The following RELCH variants were observed in gnomAD, a reference collection of about 807,000 sequenced individuals.
RELCH encodes RAB11-binding protein RELCH.
A neutral mutation model predicts 150.3 loss-of-function variants in RELCH; 41 were observed. The ratio of observed to expected loss-of-function variants is 0.27; its 90% CI spans 0.21 to 0.35. The LOEUF (loss-of-function observed/expected upper bound fraction) is 0.35, where lower values mean the gene tolerates loss of function less well. Among genes scored for constraint, RELCH ranks in the 10% least tolerant of loss-of-function variants. The pLI is 1.00. For missense variants in RELCH, 1,092 were observed against 1,467.8 expected, an observed-to-expected ratio of 0.74 and a Z score of 4.18; for synonymous variants, 478 against 531.8, an observed-to-expected ratio of 0.90 and a Z score of 1.39.
At chr18:62,255,320 AC>A in intron 12 of RELCH, 86 bp from the exon 13 acceptor site, 1 of 921,842 alleles carries the variant, frequency 1.1e-6, no homozygotes, top group Non-Finnish European at 1.8e-6. Flanking sequence ...TGCATTCTTA[AC>A]AGGATTTGTG....
chr18:62,193,514 T>A (rs1181589814), intron 1 of RELCH, among the ~76,000 whole-genome samples: 1 of 152,280 alleles, frequency 6.6e-6, no homozygotes, highest in South Asian at 2.1e-4. Flanking sequence ...CATATATGGC[T>A]CTTATTATTT....
chr18:62,235,230 C>T (rs1403562510), intron 10 of RELCH: 2 of 151,954 alleles, frequency 1.3e-5, no homozygotes, highest in African/African-American at 2.4e-5. Flanking sequence ...AAAAAAATTC[C>T]TCTTTTGAAT....
At chr18:62,303,784 T>C (rs1291432935) in intron 28 of RELCH, among the ~76,000 whole-genome samples, 1 of 152,254 alleles carries the variant, frequency 6.6e-6, no homozygotes, top group Non-Finnish European at 1.5e-5. Context: ...AATAGATTGC[T>C]ACATTTCCTG....
intron 26 of RELCH, among the ~76,000 whole-genome samples, chr18:62,289,832 G>A (rs767905581): frequency 1.3e-5 from 2 of 152,182 alleles, no homozygotes; most frequent in African/African-American, 4.8e-5. Flanking sequence ...CCCCAACAGA[G>A]AGTAGAAAGA....
At position 62,255,610 on chromosome 18, in the gene RELCH, A is replaced by G. The variant is rs1006852574; in HGVS notation, c.1896+132A>G. 8 of 683,378 alleles carry G rather than the reference A, an allele frequency of 1.2e-5. 1 individual carries two copies. The highest frequency in any genetic ancestry group is 3.7e-4 in the Middle Eastern group (1 of 2,674). The allele number at this position is 683,378 out of a possible 1,614,324, so 42.3% of individuals were successfully genotyped here. A position where few individuals can be genotyped will look rare whatever the true frequency, so the allele number is the denominator to read the frequency against. On this transcript the variant is annotated intron_variant, in intron 13 of 28. Transcript: ENST00000644646. ...CTTAATAAAGAAAAGAGATGATCCA[A>G]AAAAGAGACTCACATTAGTACAGTA...
At chr18:62,224,786 T>C (rs1408356478) in intron 5 of RELCH, among the ~76,000 whole-genome samples, 9 of 152,130 alleles carry the variant, frequency 5.9e-5, no homozygotes, top group Admixed American at 5.2e-4. Context: ...GAAGACCCAA[T>C]ATTGTCAAGG....
At position 62,268,847 on chromosome 18, in the gene RELCH, T is replaced by A. The variant is rs181075650; in HGVS notation, c.2681-22T>A. The A allele has an allele frequency of 1.4e-4, 175 of 1,247,922 alleles. No individual in the cohort carries two copies. In the African/African-American group the frequency reaches 2.4e-3, roughly 17 times the overall value. The allele number at this position is 1,247,922 out of a possible 1,614,324, so 77.3% of individuals were successfully genotyped here. A position where few individuals can be genotyped will look rare whatever the true frequency, so the allele number is the denominator to read the frequency against. ...CACTTAAAATATACTTATGTTTTTT[T>A]AAATTATTTTAATAATTTTAGATTC... On this transcript the variant is annotated intron_variant, in intron 19 of 28. Coordinates refer to ENST00000644646, the MANE Select transcript of RELCH (RefSeq NM_001346231.2).
intron 20 of RELCH, among the ~76,000 whole-genome samples, chr18:62,270,412 T>C (rs1331392702): frequency 6.6e-6 from 1 of 152,158 alleles, no homozygotes; most frequent in East Asian, 1.9e-4. Context: ...TTTAAGTAAA[T>C]AACATATGAT....
intron 10 of RELCH, among the ~76,000 whole-genome samples, chr18:62,243,408 T>G (rs1447264363): frequency 6.6e-6 from 1 of 152,176 alleles, no homozygotes; most frequent in Non-Finnish European, 1.5e-5. Flanking sequence ...GCAAAATTAT[T>G]TTTCCTAATC....
At position 62,227,460 on chromosome 18, in the gene RELCH, C is replaced by T. The variant is rs2041287501; in HGVS notation, c.1030C>T (p.Pro344Ser). The change falls in exon 6 of 29, where the codon CCT becomes TCT. Residue 344 changes from proline to serine, a missense_variant. By Grantham distance (74) the Pro-to-Ser change is moderately conservative. Transcript: ENST00000644646. ...CCTTACACCAATTATAAGCAACCTT[C>T]CTCCAACTCTTGAAACTCCCCAGCC... ...EALTPIISNL[P>S]PTLETPQPAE... 1 of 1,613,252 alleles carries T rather than the reference C, an allele frequency of 6.2e-7. No homozygotes were observed. Among genetic ancestry groups the T allele is most frequent in the Non-Finnish European group, 8.5e-7 (1 of 1,179,564 alleles).
intron 2 of RELCH, among the ~76,000 whole-genome samples, chr18:62,211,735 G>A (rs921650937): frequency 6.6e-6 from 1 of 151,560 alleles, no homozygotes; most frequent in African/African-American, 2.4e-5. Context: ...ACCAGCTTGG[G>A]CAACATAATG....
chr18:62,209,540 A>G (rs148921118), intron 1 of RELCH, among the ~76,000 whole-genome samples: 22 of 152,248 alleles, frequency 1.4e-4, no homozygotes, highest in Non-Finnish European at 3.1e-4. Context: ...TTAAGTTTGA[A>G]ATCAGGAAGT....
At chr18:62,253,951 A>C (rs527419870) in intron 12 of RELCH, among the ~76,000 whole-genome samples, 4 of 152,112 alleles carry the variant, frequency 2.6e-5, no homozygotes, top group African/African-American at 9.6e-5. Context: ...TCAAGTGTAC[A>C]ATTTAATGGT....
intron 8 of RELCH, among the ~76,000 whole-genome samples, chr18:62,229,576 C>G (rs2041441672): frequency 6.6e-6 from 1 of 151,226 alleles, no homozygotes; most frequent in African/African-American, 2.4e-5. Flanking sequence ...ATGGCCCAAA[C>G]CTCAAACCTT....
chr18:62,227,107 C>G (rs1023915779), intron 5 of RELCH, among the ~76,000 whole-genome samples, 182 bp from the exon 6 acceptor site: 4 of 151,068 alleles, frequency 2.6e-5, no homozygotes, highest in African/African-American at 9.7e-5. Flanking sequence ...GTGGGAGGCT[C>G]GCTTCAGCCC....
intron 22 of RELCH, chr18:62,275,689 G>T: frequency 5.3e-6 from 2 of 380,332 alleles, no homozygotes; most frequent in South Asian, 5.5e-5. Flanking sequence ...CTGGTTCCTT[G>T]AATGTTATTC....
At chr18:62,285,333 C>G (rs1156898320) in intron 25 of RELCH, 1 of 152,156 alleles carries the variant, frequency 6.6e-6, no homozygotes, top group Admixed American at 6.6e-5. Flanking sequence ...TTTATAAAAT[C>G]TCCTATTATC....
intron 15 of RELCH, among the ~76,000 whole-genome samples, chr18:62,259,952 A>G (rs2043172603): frequency 6.6e-6 from 1 of 151,938 alleles, no homozygotes; most frequent in Non-Finnish European, 1.5e-5. Flanking sequence ...TGAAACTACT[A>G]AAAGAAAACA....
At chr18:62,251,786 G>A (rs946628426) in intron 11 of RELCH, among the ~76,000 whole-genome samples, 1 of 152,182 alleles carries the variant, frequency 6.6e-6, no homozygotes, top group Admixed American at 6.5e-5. Context: ...GTGAAGTTGT[G>A]TAGAAACTGA....
Sources: allele counts gnomAD v4.1 joint callset (sites outside exome capture counted in the v4.1 genomes callset), GRCh38; gene constraint gnomAD v4.1.1; transcripts MANE v1.5; gene names NCBI Gene and HGNC (gene_info 2026-07-23, HGNC 2026-07-21).